Variants in ADAM20 observed in about 807,000 individuals in gnomAD.
ADAM20 encodes the protein ADAM metallopeptidase domain 20.
For synonymous variants in ADAM20, 305 were observed against 310.2 expected, an observed-to-expected ratio of 0.98 and a Z score of 0.18; for missense variants, 871 against 883.2, an observed-to-expected ratio of 0.99 and a Z score of 0.18.
the ADAM20 span, among the ~76,000 whole-genome samples, chr14:70,578,525 C>T: frequency 5.9e-5 from 9 of 151,984 alleles, no homozygotes; most frequent in East Asian, 1.9e-4. Context: ...GTCTGCACAG[C>T]GAAAGAAACA....
In ADAM20 at chr14:70,528,063, T is replaced by C. The variant is rs139818650; in HGVS notation, c.-176-3130A>G. ...AATATTTATGTATATGGTCTGCTTT[T>C]TTATGTGTGGTTCTACCACATCACC... On this transcript the variant is annotated intron_variant, in intron 1 of 1. Coordinates refer to ENST00000256389, the MANE Select transcript of ADAM20 (RefSeq NM_003814.5). 3.3e-5 allele frequency among the ~76,000 whole-genome samples: 5 copies of C among 152,370 alleles called. No individual in the cohort carries two copies. The East Asian group carries it at 9.6e-4, about 29-fold the overall frequency.
chr14:70,578,696 G>A, the ADAM20 span, among the ~76,000 whole-genome samples: 1 of 152,028 alleles, frequency 6.6e-6, no homozygotes, highest in Non-Finnish European at 1.5e-5. Flanking sequence ...ACAGATGCCT[G>A]TTTTTTAAAT....
the ADAM20 span, among the ~76,000 whole-genome samples, chr14:70,546,773 A>G: frequency 6.6e-6 from 1 of 152,170 alleles, no homozygotes. Flanking sequence ...AGCAAACCAA[A>G]CCCCAAATTA....
In ADAM20 at chr14:70,522,547, A is replaced by G. The variant is rs556553542; in HGVS notation, c.*30T>C. On this transcript the variant is annotated 3_prime_UTR_variant, in exon 2 of 2. Transcript: ENST00000256389. ...ATTGGATATTAAAAATGAAGTATAA[A>G]GTTTAGTCTCCTTCTTTTTCCCATT... 4.8e-5 allele frequency: 72 copies of G among 1,496,690 alleles called. No homozygotes were observed. The highest frequency in any genetic ancestry group is 6.0e-5 in the Non-Finnish European group (68 of 1,125,504). 92.7% of individuals were successfully genotyped at this position (1,496,690 alleles called of 1,614,324 possible).
At chr14:70,540,967 A>AT in the ADAM20 span, among the ~76,000 whole-genome samples, 1 of 151,626 alleles carries the variant, frequency 6.6e-6, no homozygotes, top group African/African-American at 2.4e-5. Context: ...TAATTCTTGT[A>AT]TTTTTAATAG....
chr14:70,528,783 G>C (rs1883647683), intron 1 of ADAM20, among the ~76,000 whole-genome samples: 2 of 152,188 alleles, frequency 1.3e-5, no homozygotes, highest in Admixed American at 1.3e-4. Flanking sequence ...CATGAAAAGA[G>C]AGAACCTCCT....
chr14:70,563,651 T>A, the ADAM20 span, among the ~76,000 whole-genome samples: 1 of 152,158 alleles, frequency 6.6e-6, no homozygotes, highest in Non-Finnish European at 1.5e-5. Context: ...CTCTGTGGTA[T>A]CCTTGTAATA....
In ADAM20 at chr14:70,523,344, A is replaced by G; in HGVS notation, c.1414T>C (p.Cys472Arg). 2 of 1,614,104 alleles carry G rather than the reference A, an allele frequency of 1.2e-6. No individual in the cohort carries two copies. The highest frequency in any genetic ancestry group is 1.7e-6 in the Non-Finnish European group (2 of 1,179,968). ...CCATTGCACCACTCTGGAAGGTCAC[A>G]TTCACCAACTTGTTGTCTACATAAA... ...GTLCRQQVGECDLPEWCNGTS... is the reference protein window; with the variant it reads ...GTLCRQQVGERDLPEWCNGTS... Residue 472 changes from cysteine to arginine, a missense_variant, in exon 2 of 2, where the codon TGT becomes CGT. Transcript: ENST00000256389.
At position 70,523,497 on chromosome 14, in the gene ADAM20, A is replaced by T; in HGVS notation, c.1261T>A (p.Cys421Ser). The change falls in exon 2 of 2, where the codon TGT (cysteine) becomes AGT (serine). Residue 421 changes from cysteine to serine, a missense_variant. Coordinates refer to ENST00000256389, the MANE Select transcript of ADAM20 (RefSeq NM_003814.5). The part of the protein sequence containing the change: ...GNLVVEEGEE[C>S]DCGTIRQCAK... ...CACTGCCGTATGGTTCCACAGTCAC[A>T]TTCCTCCCCTTCTTCAACCACTAGA... The T allele has an allele frequency of 6.2e-7, 1 of 1,614,050 alleles. No homozygotes were observed. The highest frequency in any genetic ancestry group is 8.5e-7 in the Non-Finnish European group (1 of 1,179,948).
chr14:70,562,147 C>T, the ADAM20 span, among the ~76,000 whole-genome samples: 3 of 152,236 alleles, frequency 2.0e-5, no homozygotes, highest in African/African-American at 7.2e-5. Flanking sequence ...GGCAGAGCTG[C>T]CCAAGGCCTT....
Position 70,524,882 on chromosome 14 carries a change from T to C in ADAM20, c.-125A>G, listed in dbSNP as rs371491610. 5.0e-6 allele frequency: 8 copies of C among 1,611,784 alleles called. No homozygotes were observed. In the South Asian group the frequency reaches 8.8e-5, roughly 18 times the overall value. ...TGGCTGACCTTTAGGGATCTGGGGATCTGTGTCCTGGTGGAGCTGGACCAT... is the reference window on the plus strand; with the variant it reads ...TGGCTGACCTTTAGGGATCTGGGGACCTGTGTCCTGGTGGAGCTGGACCAT... On this transcript the variant is annotated 5_prime_UTR_variant, in exon 2 of 2. Coordinates refer to ENST00000256389, the MANE Select transcript of ADAM20 (RefSeq NM_003814.5).
rs762619537 is a variant in ADAM20 at position 70,523,709 on chromosome 14, A to T, written c.1049T>A (p.Met350Lys). 6.2e-7 allele frequency: 1 copy of T among 1,614,104 alleles called. No individual in the cohort carries two copies. Among genetic ancestry groups the T allele is most frequent in the Admixed American group, 1.7e-5 (1 of 59,988 alleles). ...LGHELGHNLG[M>K]QHDTQWCVCE... ...CACACACCACTGGGTGTCATGTTGCATACCCAAATTATGACCAAGCTCGTG... is the reference window on the plus strand; with the variant it reads ...CACACACCACTGGGTGTCATGTTGCTTACCCAAATTATGACCAAGCTCGTG... Residue 350 changes from methionine to lysine, a missense_variant, in exon 2 of 2, where the codon ATG becomes AAG. Met to Lys is a moderately conservative substitution (Grantham distance 95, BLOSUM62 -1). Coordinates refer to ENST00000256389, the MANE Select transcript of ADAM20 (RefSeq NM_003814.5).
At chr14:70,560,638 G>A in the ADAM20 span, among the ~76,000 whole-genome samples, 4 of 152,124 alleles carry the variant, frequency 2.6e-5, no homozygotes, top group Admixed American at 2.6e-4. Flanking sequence ...GGATCATGGG[G>A]TGGATTTCCC....
Position 70,524,212 on chromosome 14 carries a change from G to A in ADAM20, c.546C>T (p.His182=). 1 of 1,613,942 alleles carries A rather than the reference G, an allele frequency of 6.2e-7. No individual in the cohort carries two copies. Among genetic ancestry groups the A allele is most frequent in the Non-Finnish European group, 8.5e-7 (1 of 1,179,932 alleles). ...RCGLTEEKIA[H]QMELQLSYNF... is the part of the protein sequence containing the mutation. ...TATATGACAATTGCAACTCCATCTG[G>A]TGTGCTATTTTCTCTTCTGTTAACC... The change falls in exon 2 of 2, where the codon CAC becomes CAT. Residue 182 remains histidine (H), a synonymous_variant. Coordinates refer to ENST00000256389, the MANE Select transcript of ADAM20 (RefSeq NM_003814.5).
chr14:70,553,683 C>G, the ADAM20 span, among the ~76,000 whole-genome samples: 1 of 151,034 alleles, frequency 6.6e-6, no homozygotes. Context: ...GAATGAAGGG[C>G]AAAAACCATG....
At chr14:70,535,983 G>T (rs77539097), upstream of ADAM20, among the ~76,000 whole-genome samples, 1,236 of 152,206 alleles carry the variant, frequency 8.1e-3, 9 homozygotes, top group South Asian at 0.031. Flanking sequence ...TTCAGTAACT[G>T]ATAGAACAAT....
At position 70,522,590 on chromosome 14, in the gene ADAM20, T is replaced by A; in HGVS notation, c.2168A>T (p.Asp723Val). 6.2e-7 allele frequency: 1 copy of A among 1,604,850 alleles called. No homozygotes were observed. The highest frequency in any genetic ancestry group is 8.5e-7 in the Non-Finnish European group (1 of 1,175,896). ...TTCCCATTTCTCTTATCCTTCTTCA[T>A]CTTCTTTACTTTTTGTGCGTTTCTT... Reference protein sequence around the residue: ...LFKKRTKSKEDEEG With the variant: ...LFKKRTKSKEVEEG The change falls in exon 2 of 2, where the codon GAT becomes GTT. Residue 723 changes from aspartate to valine, a missense_variant. By Grantham distance (152) the Asp-to-Val change is radical. Transcript: ENST00000256389.
chr14:70,530,454 A>G (rs1883686664), intron 1 of ADAM20, among the ~76,000 whole-genome samples: 1 of 152,234 alleles, frequency 6.6e-6, no homozygotes, highest in African/African-American at 2.4e-5. Flanking sequence ...GATAAAAAGT[A>G]TAGTATAGGA....
At chr14:70,562,355 T>C in the ADAM20 span, among the ~76,000 whole-genome samples, 1 of 152,258 alleles carries the variant, frequency 6.6e-6, no homozygotes, top group African/African-American at 2.4e-5. Context: ...GTAACTTGTT[T>C]CTAATTTTAC....
Sources: allele counts gnomAD v4.1 joint callset (sites outside exome capture counted in the v4.1 genomes callset), GRCh38; gene constraint gnomAD v4.1.1; transcripts MANE v1.5; gene names NCBI Gene and HGNC (gene_info 2026-07-23, HGNC 2026-07-21).